The following KCNIP1 variants were observed in gnomAD, a reference collection of about 807,000 sequenced individuals.
KCNIP1 encodes the protein A-type potassium channel modulatory protein KCNIP1.
KCNIP1 carries 18 observed loss-of-function variants against 33.0 expected under a neutral mutation model. The observed-to-expected ratio is 0.55, with a 90% confidence interval of 0.38 to 0.81. The LOEUF (loss-of-function observed/expected upper bound fraction) is 0.81, where lower values mean the gene tolerates loss of function less well. Ranked by LOEUF, KCNIP1 falls within the 30% of genes least tolerant of loss-of-function variation. KCNIP1 has a pLI of 0.00. For missense variants in KCNIP1, 238 were observed against 271.6 expected (o/e 0.88, Z 0.87); for synonymous variants, 93 against 98.3 (o/e 0.95, Z 0.32).
upstream of KCNIP1, among the ~76,000 whole-genome samples, chr5:170,500,024 A>C (rs1317619140): frequency 2.0e-5 from 3 of 152,122 alleles, no homozygotes; most frequent in African/African-American, 7.2e-5. Context: ...TATACAACAG[A>C]AATCTATTTT....
intron 1 of KCNIP1, among the ~76,000 whole-genome samples, chr5:170,531,335 G>A (rs928897396): frequency 6.6e-5 from 10 of 152,198 alleles, no homozygotes; most frequent in Admixed American, 1.3e-4. Context: ...GTTTGGGGCT[G>A]GGACCTGGGA....
At chr5:170,732,937 GC>G in intron 6 of KCNIP1, 33 bp downstream of exon 6, 1 of 1,360,258 alleles carries the variant, frequency 7.4e-7, no homozygotes, top group Non-Finnish European at 1.1e-6. Context: ...TGAGCTGTAA[GC>G]CCAGCCTAGA....
At chr5:170,563,640 T>TTG (rs1554101249) in intron 1 of KCNIP1, among the ~76,000 whole-genome samples, 61 of 139,388 alleles carry the variant, frequency 4.4e-4, no homozygotes, top group Non-Finnish European at 8.6e-4. Flanking sequence ...TTGTTTTTTT[T>TTG]TTTGTTTGTT....
chr5:170,660,871 G>A (rs996613304), intron 1 of KCNIP1, among the ~76,000 whole-genome samples: 21 of 152,236 alleles, frequency 1.4e-4, no homozygotes, highest in Admixed American at 1.2e-3. Flanking sequence ...TGATCACAGA[G>A]AAAGCTCACG....
At chr5:170,701,445 A>C (rs1045444853) in intron 1 of KCNIP1, among the ~76,000 whole-genome samples, 1 of 152,200 alleles carries the variant, frequency 6.6e-6, no homozygotes, top group African/African-American at 2.4e-5. Context: ...CTCCAGGCTT[A>C]GCGGTTGCCA....
At chr5:170,732,762 T>C (rs1209860617) in intron 5 of KCNIP1, 38 bp from the exon 6 acceptor site, 1 of 1,386,636 alleles carries the variant, frequency 7.2e-7, no homozygotes, top group East Asian at 2.3e-5. Context: ...CTTGACCTCA[T>C]GGTTTCCACA....
intron 1 of KCNIP1, among the ~76,000 whole-genome samples, chr5:170,708,742 C>T (rs1003821693): frequency 6.6e-6 from 1 of 151,962 alleles, no homozygotes; most frequent in Non-Finnish European, 1.5e-5. Context: ...CAAAAAAGTA[C>T]AAAAAAACTA....
chr5:170,733,153 T>G (rs1287406694), intron 6 of KCNIP1, among the ~76,000 whole-genome samples: 2 of 152,176 alleles, frequency 1.3e-5, no homozygotes, highest in African/African-American at 4.8e-5. Flanking sequence ...CCATAAAAAT[T>G]TGGGGATCAG....
intron 1 of KCNIP1, among the ~76,000 whole-genome samples, chr5:170,365,582 G>A (rs1290318984): frequency 6.6e-6 from 1 of 152,202 alleles, no homozygotes; most frequent in East Asian, 1.9e-4. Context: ...CAGCCAAGGG[G>A]CTCCTCTGGG....
rs560017640 is a variant in KCNIP1 at position 170,717,563 on chromosome 5, T to C, written c.62-1195T>C. On this transcript the variant is annotated intron_variant, in intron 1 of 7. Coordinates refer to ENST00000328939, the MANE Select transcript of KCNIP1 (RefSeq NM_014592.4). ...AACATCCATCACCTTTGGGGATATG[T>C]ACAAGATACAAACTTAATTTGATGG... Among the ~76,000 whole-genome samples the C allele has an allele frequency of 2.0e-5, 3 of 152,322 alleles. No homozygotes were observed. The South Asian group carries it at 6.2e-4, about 32-fold the overall frequency.
chr5:170,707,158 CAAA>C (rs34331045), intron 1 of KCNIP1, among the ~76,000 whole-genome samples: 24,995 of 125,422 alleles, frequency 0.2, 3,443 homozygotes, highest in East Asian at 0.77. Flanking sequence ...AGTAAATCAT[CAAA>C]AAAAAAAAAA....
chr5:170,675,496 C>G (rs1762098665), intron 1 of KCNIP1, among the ~76,000 whole-genome samples: 1 of 152,108 alleles, frequency 6.6e-6, no homozygotes, highest in Admixed American at 6.5e-5. Flanking sequence ...TGGCACGCAC[C>G]TGTAGTCCCA....
At chr5:170,455,113 G>A (rs990059013) in intron 1 of KCNIP1, among the ~76,000 whole-genome samples, 2 of 152,086 alleles carry the variant, frequency 1.3e-5, no homozygotes, top group Non-Finnish European at 2.9e-5. Flanking sequence ...AGGCAGCTCA[G>A]CAATATTTAG....
At chr5:170,732,927 T>C (rs751524383) in intron 6 of KCNIP1, 23 bp downstream of exon 6, 1 of 1,467,420 alleles carries the variant, frequency 6.8e-7, no homozygotes, top group Non-Finnish European at 9.6e-7. Flanking sequence ...ACCCTGCACA[T>C]GAGCTGTAAG....
intron 1 of KCNIP1, among the ~76,000 whole-genome samples, chr5:170,656,620 C>T (rs1204234846): frequency 6.6e-6 from 1 of 152,160 alleles, no homozygotes; most frequent in Non-Finnish European, 1.5e-5. Flanking sequence ...GTCATGGGAG[C>T]CTGGGAGAGG....
intron 1 of KCNIP1, among the ~76,000 whole-genome samples, chr5:170,530,383 G>C (rs1755744689): frequency 6.6e-6 from 1 of 152,224 alleles, no homozygotes; most frequent in Non-Finnish European, 1.5e-5. Flanking sequence ...CTATGATGCT[G>C]ATATTACTCT....
At chr5:170,624,735 G>C (rs1363560800) in intron 1 of KCNIP1, among the ~76,000 whole-genome samples, 1 of 115,022 alleles carries the variant, frequency 8.7e-6, no homozygotes, top group Non-Finnish European at 1.9e-5. Flanking sequence ...GGGGAGGTGG[G>C]GGGGGAGAGG....
Position 170,718,786 on chromosome 5 carries a change from CA to C in KCNIP1, c.91del (p.Met31TrpfsTer76), listed in dbSNP as rs1561782023. The C allele has an allele frequency of 6.2e-7, 1 of 1,612,868 alleles. No homozygotes were observed. Among genetic ancestry groups the C allele is most frequent in the Non-Finnish European group, 8.5e-7 (1 of 1,179,560 alleles). On this transcript the variant is annotated frameshift_variant, in exon 2 of 8. Transcript: ENST00000328939. LOFTEE classifies it high-confidence loss of function. ...AGATTGAAGATGAGCTGGAGATGAC[CA>C]TGGTTTGCCATCGGCCCGAGGGACT... Reference protein sequence around the residue: ...DKIEDELEMTMVCHRPEGLEQ... With the variant: ...DKIEDELEMTXVCHRPEGLEQ...
At chr5:170,537,356 C>T (rs1226207797) in intron 1 of KCNIP1, among the ~76,000 whole-genome samples, 1 of 152,156 alleles carries the variant, frequency 6.6e-6, no homozygotes, top group African/African-American at 2.4e-5. Context: ...TGAGTGGAGC[C>T]ATGTGGAGCA....
Sources: allele counts gnomAD v4.1 joint callset (sites outside exome capture counted in the v4.1 genomes callset), GRCh38; gene constraint gnomAD v4.1.1; transcripts MANE v1.5; gene names NCBI Gene and HGNC (gene_info 2026-07-23, HGNC 2026-07-21).